CALCR: variants seen among roughly 807,000 people sequenced by gnomAD.
The protein encoded by CALCR is calcitonin receptor.
In CALCR, 47 loss-of-function variants were observed where a neutral mutation model predicts 59.5. That is an observed-to-expected ratio of 0.79 (90% CI 0.63 to 1.01). CALCR has a LOEUF of 1.01. CALCR is among the 50% of genes least tolerant of loss of function. The pLI is 0.00. For synonymous variants in CALCR, 213 were observed against 211.3 expected (o/e 1.01, Z -0.07); for missense variants, 566 against 597.1 (o/e 0.95, Z 0.54).
chr7:93,524,846 G>A (rs1189918173), intron 2 of CALCR, among the ~76,000 whole-genome samples: 1 of 152,050 alleles, frequency 6.6e-6, no homozygotes, highest in African/African-American at 2.4e-5. Context: ...TAAAGTGAAT[G>A]TTTTGTCCCT....
intron 7 of CALCR, among the ~76,000 whole-genome samples, chr7:93,463,572 A>T (rs1288772797): frequency 1.3e-5 from 2 of 151,994 alleles, no homozygotes; most frequent in Non-Finnish European, 2.9e-5. Context: ...ACTCATTATG[A>T]TCCAGACCTG....
At chr7:93,464,717 C>T (rs1412250758) in intron 7 of CALCR, among the ~76,000 whole-genome samples, 1 of 151,906 alleles carries the variant, frequency 6.6e-6, no homozygotes, top group African/African-American at 2.4e-5. Context: ...GTATGATCAA[C>T]AGTTATCTTT....
At chr7:93,478,372 A>AT (rs949629100) in intron 4 of CALCR, among the ~76,000 whole-genome samples, 5 of 151,744 alleles carry the variant, frequency 3.3e-5, no homozygotes, top group African/African-American at 9.7e-5. Context: ...ATATTTTACC[A>AT]TTTTTTTCCC....
chr7:93,523,324 A>G (rs1216439240), intron 2 of CALCR, among the ~76,000 whole-genome samples: 2 of 152,180 alleles, frequency 1.3e-5, no homozygotes, highest in Admixed American at 1.3e-4. Flanking sequence ...TTTTGGTAGA[A>G]ACACAGAAGG....
At chr7:93,442,045 G>C (rs953115258) in intron 9 of CALCR, among the ~76,000 whole-genome samples, 1 of 152,126 alleles carries the variant, frequency 6.6e-6, no homozygotes, top group Non-Finnish European at 1.5e-5. Context: ...TATTTACTAT[G>C]AAAACTGGAG....
intron 6 of CALCR, among the ~76,000 whole-genome samples, chr7:93,469,767 T>C (rs1220488177): frequency 2.6e-5 from 4 of 151,838 alleles, no homozygotes; most frequent in Admixed American, 6.6e-5. Context: ...TCTCTTGGCT[T>C]TTGGTCTTAA....
chr7:93,505,640 T>C (rs111226138), intron 2 of CALCR, among the ~76,000 whole-genome samples: 392 of 152,262 alleles, frequency 2.6e-3, no homozygotes, highest in Non-Finnish European at 4.4e-3. Flanking sequence ...ATCTCCACTA[T>C]AATACGTTAG....
intron 2 of CALCR, among the ~76,000 whole-genome samples, chr7:93,554,767 A>ATGTG (rs1789547987): frequency 1.2e-5 from 1 of 84,226 alleles, no homozygotes; most frequent in South Asian, 3.7e-4. Context: ...TTGCCAGGCC[A>ATGTG]TGTATATATA....
intron 2 of CALCR, among the ~76,000 whole-genome samples, chr7:93,570,379 C>T (rs10225893): frequency 0.046 from 6,940 of 151,878 alleles, 532 homozygotes; most frequent in African/African-American, 0.16. Context: ...GGTGTGGCAG[C>T]GATACTTAGA....
At chr7:93,487,652 T>C (rs1305158907) in intron 2 of CALCR, among the ~76,000 whole-genome samples, 1 of 151,464 alleles carries the variant, frequency 6.6e-6, no homozygotes, top group Non-Finnish European at 1.5e-5. Context: ...TTCATGGCTC[T>C]GCAGATAATT....
chr7:93,495,180 A>G (rs571857536), intron 2 of CALCR, among the ~76,000 whole-genome samples: 16 of 151,414 alleles, frequency 1.1e-4, no homozygotes, highest in Non-Finnish European at 2.1e-4. Context: ...AGAACTTTCA[A>G]ATTGGAATGG....
At chr7:93,569,939 C>T (rs1194276345) in intron 2 of CALCR, among the ~76,000 whole-genome samples, 1 of 147,936 alleles carries the variant, frequency 6.8e-6, no homozygotes, top group Non-Finnish European at 1.5e-5. Context: ...TAAAGGGACA[C>T]ACACACACAC....
chr7:93,486,688 A>T (rs575649503), intron 3 of CALCR, among the ~76,000 whole-genome samples: 1 of 151,678 alleles, frequency 6.6e-6, no homozygotes, highest in African/African-American at 2.4e-5. Context: ...AATTAATGCT[A>T]AAGTTTTGTA....
chr7:93,511,324 A>G (rs1233817147), intron 2 of CALCR, among the ~76,000 whole-genome samples: 1 of 152,102 alleles, frequency 6.6e-6, no homozygotes, highest in Non-Finnish European at 1.5e-5. Context: ...TGTTCATTAT[A>G]CAATTATTTT....
rs982397919 is a variant in CALCR at position 93,502,752 on chromosome 7, A to T, written c.-26-15745T>A. Among the ~76,000 whole-genome samples, 3 of 152,264 alleles carry T rather than the reference A, an allele frequency of 2.0e-5. No individual in the cohort carries two copies. In the East Asian group the frequency reaches 5.8e-4, roughly 29 times the overall value. Reference sequence around the variant, plus strand: ...ATCTTTGGCACACCGATACTAATGGAATACTCTGCAGCCATTAAAAATTGT... The same window carrying T: ...ATCTTTGGCACACCGATACTAATGGTATACTCTGCAGCCATTAAAAATTGT... On this transcript the variant is annotated intron_variant, in intron 2 of 13. Coordinates refer to ENST00000426151, the MANE Select transcript of CALCR (RefSeq NM_001742.4).
At position 93,425,183 on chromosome 7, in the gene CALCR, T is replaced by C. The variant is rs1477111027; in HGVS notation, c.*1173A>G. On this transcript the variant is annotated 3_prime_UTR_variant, in exon 14 of 14. Coordinates refer to ENST00000426151, the MANE Select transcript of CALCR (RefSeq NM_001742.4). Reference sequence around the variant, plus strand: ...ATGATAATATAATACTGGATTTTAATGAGAAACGTTAAACATGAATTGATT... The same window carrying C: ...ATGATAATATAATACTGGATTTTAACGAGAAACGTTAAACATGAATTGATT... 6.6e-6 allele frequency: 1 copy of C among 152,654 alleles called. No individual in the cohort carries two copies. The highest frequency in any genetic ancestry group is 1.5e-5 in the Non-Finnish European group (1 of 68,018). 9.5% of individuals were successfully genotyped at this position (152,654 alleles called of 1,614,324 possible).
In CALCR at chr7:93,471,837, C is replaced by A. The variant is rs1702235064; in HGVS notation, c.429+538G>T. Among the ~76,000 whole-genome samples the A allele has an allele frequency of 2.0e-5, 3 of 151,876 alleles. No homozygotes were observed. The South Asian group carries it at 6.2e-4, about 32-fold the overall frequency. On this transcript the variant is annotated intron_variant, in intron 6 of 13. Transcript: ENST00000426151. ...AAAATATTTAACATACAGTAAAATGCAAGTACTAACAATTGAGAATGAACT... is the reference window on the plus strand; with the variant it reads ...AAAATATTTAACATACAGTAAAATGAAAGTACTAACAATTGAGAATGAACT...
intron 8 of CALCR, among the ~76,000 whole-genome samples, chr7:93,444,364 G>T (rs959351063): frequency 6.6e-6 from 1 of 152,142 alleles, no homozygotes; most frequent in Non-Finnish European, 1.5e-5. Context: ...ACTCAATGCA[G>T]ACGTAGGAGC....
intron 9 of CALCR, among the ~76,000 whole-genome samples, chr7:93,439,571 A>T (rs1799856005): frequency 1.3e-5 from 2 of 151,906 alleles, no homozygotes; most frequent in Non-Finnish European, 2.9e-5. Context: ...TCTAGCTATG[A>T]TGCCTCCTTT....
Sources: allele counts gnomAD v4.1 joint callset (sites outside exome capture counted in the v4.1 genomes callset), GRCh38; gene constraint gnomAD v4.1.1; transcripts MANE v1.5; gene names NCBI Gene and HGNC (gene_info 2026-07-23, HGNC 2026-07-21).